COP1: variants seen among roughly 807,000 people sequenced by gnomAD.
The protein encoded by COP1 is COP1 E3 ubiquitin ligase, also known as E3 ubiquitin-protein ligase COP1.
In COP1, 24 loss-of-function variants were observed where a neutral mutation model predicts 101.3. That is an observed-to-expected ratio of 0.24 (90% CI 0.17 to 0.33). The LOEUF is 0.33. Ranked by LOEUF, COP1 falls within the 10% of genes least tolerant of loss-of-function variation. The probability of loss-of-function intolerance (pLI) is 1.00; values close to 1 mark genes in which losing one functional copy is unlikely to be tolerated. For synonymous variants in COP1, 347 were observed against 341.9 expected (o/e 1.01, Z -0.17); for missense variants, 663 against 906.2 (o/e 0.73, Z 3.45).
At chr1:176,099,126 C>A (rs1682929669) in intron 9 of COP1, among the ~76,000 whole-genome samples, 1 of 138,864 alleles carries the variant, frequency 7.2e-6, no homozygotes, top group East Asian at 2.6e-4. Flanking sequence ...ACTGTAACTA[C>A]CCTGGACATT....
intron 18 of COP1, among the ~76,000 whole-genome samples, chr1:175,976,267 A>ATTTTTTTTTTTT (rs1225101059): frequency 4.3e-4 from 18 of 41,732 alleles, no homozygotes; most frequent in Non-Finnish European, 8.6e-4. Context: ...TCAATTAGTC[A>ATTTTTTTTTTTT]TTCTTTTTTT....
chr1:176,151,125 C>CTA (rs1333900903), intron 5 of COP1, among the ~76,000 whole-genome samples: 2 of 151,884 alleles, frequency 1.3e-5, no homozygotes, highest in Non-Finnish European at 2.9e-5. Flanking sequence ...AGTCAATTCT[C>CTA]TAAACATCTC....
At chr1:176,158,810 T>G (rs1229818632) in intron 5 of COP1, among the ~76,000 whole-genome samples, 1 of 151,966 alleles carries the variant, frequency 6.6e-6, no homozygotes, top group Non-Finnish European at 1.5e-5. Context: ...CAGCTAATTT[T>G]TTGTATTTTT....
chr1:176,139,748 G>C (rs886209603), intron 6 of COP1, among the ~76,000 whole-genome samples: 1 of 152,142 alleles, frequency 6.6e-6, no homozygotes, highest in Non-Finnish European at 1.5e-5. Context: ...TTATAAGTGG[G>C]AGTTAAACAC....
rs72637256 is a variant in COP1 at position 176,054,936 on chromosome 1, T to C, written c.1278-8612A>G. ...GGAATCAAGCTTTTACCTCCACCTC[T>C]GAAAATGCTGTATGAAGGTCAATAA... is the stretch of plus-strand genomic sequence containing the variant. On this transcript the variant is annotated intron_variant, in intron 11 of 19. Coordinates refer to ENST00000367669, the MANE Select transcript of COP1 (RefSeq NM_022457.7). Among the ~76,000 whole-genome samples the C allele has an allele frequency of 1.3e-3, 203 of 152,350 alleles. 3 individuals carry two copies. The East Asian group carries it at 0.035, about 26-fold the overall frequency.
chr1:176,120,816 T>C (rs371884487), intron 8 of COP1, among the ~76,000 whole-genome samples: 1 of 152,178 alleles, frequency 6.6e-6, no homozygotes, highest in African/African-American at 2.4e-5. Context: ...AATAGGCATA[T>C]TGATTTTAGA....
intron 11 of COP1, among the ~76,000 whole-genome samples, chr1:176,048,800 C>T (rs906784723): frequency 6.6e-6 from 1 of 152,128 alleles, no homozygotes; most frequent in Non-Finnish European, 1.5e-5. Flanking sequence ...ATATATAATA[C>T]GTTTAAACAC....
chr1:176,037,923 G>GA (rs1669860913), intron 14 of COP1, among the ~76,000 whole-genome samples: 1 of 152,106 alleles, frequency 6.6e-6, no homozygotes, highest in African/African-American at 2.4e-5. Flanking sequence ...CCATTATACT[G>GA]AAGTCCTTGC....
intron 8 of COP1, among the ~76,000 whole-genome samples, chr1:176,134,615 A>G (rs1689500564): frequency 6.6e-6 from 1 of 152,018 alleles, no homozygotes; most frequent in Non-Finnish European, 1.5e-5. Context: ...GATCTGTCCA[A>G]TAAAATTTAA....
intron 11 of COP1, among the ~76,000 whole-genome samples, chr1:176,070,965 G>A (rs1359035974): frequency 6.6e-6 from 1 of 152,128 alleles, no homozygotes; most frequent in Non-Finnish European, 1.5e-5. Flanking sequence ...TCCTGCTTCT[G>A]TCCAATTCTT....
At chr1:175,953,343 T>C (rs867711609) in intron 18 of COP1, among the ~76,000 whole-genome samples, 4 of 151,880 alleles carry the variant, frequency 2.6e-5, no homozygotes, top group African/African-American at 9.7e-5. Flanking sequence ...ACAAAAAATA[T>C]GACAGACATA....
At chr1:176,108,615 T>C (rs997929010) in intron 9 of COP1, among the ~76,000 whole-genome samples, 2 of 152,062 alleles carry the variant, frequency 1.3e-5, no homozygotes, top group Admixed American at 6.6e-5. Context: ...TTGCAAGTAA[T>C]AGTAATTCCA....
rs35491036 is a variant in COP1 at position 175,972,461 on chromosome 1, AT to A, written c.2133+14481del. On this transcript the variant is annotated intron_variant, in intron 18 of 19. Transcript: ENST00000367669. ...GAGCAGCAATATACAAAATACAAGA[AT>A]TTTTTTTTTTTTTTTTTTTTTGAGA... Among the ~76,000 whole-genome samples, 681 of 129,992 alleles carry A rather than the reference AT, an allele frequency of 5.2e-3. 2 individuals carry two copies. Among genetic ancestry groups the A allele is most frequent in the East Asian group, 0.014 (62 of 4,558 alleles). The allele number at this position is 129,992 out of a possible 152,430, so 85.3% of individuals were successfully genotyped here.
chr1:176,201,715 A>T (rs1700276106), intron 1 of COP1, among the ~76,000 whole-genome samples: 1 of 152,190 alleles, frequency 6.6e-6, no homozygotes, highest in Non-Finnish European at 1.5e-5. Context: ...GTCTCCTGCT[A>T]CCATTGATGC....
At chr1:176,139,578 C>T (rs1030443337) in intron 6 of COP1, among the ~76,000 whole-genome samples, 5 of 152,068 alleles carry the variant, frequency 3.3e-5, no homozygotes, top group Non-Finnish European at 5.9e-5. Flanking sequence ...TGCCCATCAA[C>T]GGTGGACTCA....
intron 1 of COP1, among the ~76,000 whole-genome samples, chr1:176,199,196 A>G (rs1335588755): frequency 1.3e-5 from 2 of 152,126 alleles, no homozygotes; most frequent in African/African-American, 2.4e-5. Flanking sequence ...GGGCGCCTGT[A>G]ATCCTAGCTA....
chr1:175,956,243 T>G (rs1216688500), intron 18 of COP1, among the ~76,000 whole-genome samples: 2 of 151,224 alleles, frequency 1.3e-5, no homozygotes, highest in South Asian at 2.1e-4. Context: ...AAAAAAAAAA[T>G]AGAGTAATTT....
chr1:176,104,012 G>A (rs906873922), intron 9 of COP1, among the ~76,000 whole-genome samples: 10 of 152,064 alleles, frequency 6.6e-5, no homozygotes, highest in African/African-American at 2.4e-4. Context: ...GGGAAGAAGA[G>A]AAGTATCAGA....
intron 5 of COP1, among the ~76,000 whole-genome samples, chr1:176,160,021 CAGAA>C (rs1204537907): frequency 6.6e-6 from 1 of 152,054 alleles, no homozygotes; most frequent in Non-Finnish European, 1.5e-5. Context: ...AAAAGTAAAA[CAGAA>C]AGCAATAATG....
Sources: gnomAD v4.1 joint callset for allele counts (sites outside exome capture counted in the v4.1 genomes callset) on GRCh38, gnomAD v4.1.1 for gene constraint, MANE v1.5 for transcripts, NCBI Gene and HGNC (gene_info 2026-07-23, HGNC 2026-07-21) for gene names.